The following RIMS1 variants were observed in gnomAD, a reference collection of about 807,000 sequenced individuals.
The protein encoded by RIMS1 is regulating synaptic membrane exocytosis 1.
RIMS1 carries 83 observed loss-of-function variants against 214.1 expected under a neutral mutation model. The ratio of observed to expected loss-of-function variants is 0.39; its 90% CI spans 0.32 to 0.47. The LOEUF is 0.47. Among genes scored for constraint, RIMS1 ranks in the 20% least tolerant of loss-of-function variants. RIMS1 has a pLI of 0.99. For missense variants in RIMS1, 2,050 were observed against 2,161.8 expected, an observed-to-expected ratio of 0.95 and a Z score of 1.03; for synonymous variants, 793 against 786.8, an observed-to-expected ratio of 1.01 and a Z score of -0.13.
intron 29 of RIMS1, among the ~76,000 whole-genome samples, chr6:72,366,430 A>G (rs989664305): frequency 6.6e-6 from 1 of 152,224 alleles, no homozygotes; most frequent in African/African-American, 2.4e-5. Flanking sequence ...AAGCTATATT[A>G]TATTCAATAA....
At position 71,886,899 on chromosome 6, in the gene RIMS1, T is replaced by C. The variant is rs565203297; in HGVS notation, c.-125T>C. On this transcript the variant is annotated 5_prime_UTR_variant, in exon 1 of 34. Transcript: ENST00000521978. ...CTGCTGCTGCTGCCGCCGCCGCCGC[T>C]GCTCCTCCTCCTGCCGCCGCCGCTA... 4.4e-5 allele frequency: 48 copies of C among 1,094,524 alleles called. No individual in the cohort carries two copies. Among genetic ancestry groups the C allele is most frequent in the Non-Finnish European group, 5.9e-5 (45 of 758,810 alleles). 67.8% of individuals were successfully genotyped at this position (1,094,524 alleles called of 1,614,324 possible).
At position 72,064,188 on chromosome 6, in the gene RIMS1, G is replaced by A. The variant is rs562292746; in HGVS notation, c.246-32761G>A. Among the ~76,000 whole-genome samples the A allele has an allele frequency of 6.2e-4, 94 of 152,196 alleles. No homozygotes were observed. In the South Asian group the frequency reaches 8.5e-3, roughly 14 times the overall value. The stretch of plus-strand genomic sequence containing the variant: ...CAAAAATTAGCCAGGCATAGCAGCA[G>A]GCGCCTGTAATCCCAGCAACTTGGG... On this transcript the variant is annotated intron_variant, in intron 2 of 33. Coordinates refer to ENST00000521978, the MANE Select transcript of RIMS1 (RefSeq NM_014989.7).
chr6:72,140,292 G>A (rs1020971019), intron 4 of RIMS1, among the ~76,000 whole-genome samples: 5 of 152,000 alleles, frequency 3.3e-5, no homozygotes, highest in Admixed American at 1.3e-4. Context: ...TTTAGTTTCT[G>A]TATAATCCTA....
intron 4 of RIMS1, among the ~76,000 whole-genome samples, chr6:72,150,021 G>A (rs917766223): frequency 2.0e-5 from 3 of 152,230 alleles, no homozygotes; most frequent in African/African-American, 7.2e-5. Context: ...ACTGACAATC[G>A]AAAGGTGAGG....
intron 29 of RIMS1, among the ~76,000 whole-genome samples, chr6:72,352,128 T>C (rs930561175): frequency 6.6e-6 from 1 of 152,244 alleles, no homozygotes; most frequent in African/African-American, 2.4e-5. Flanking sequence ...AACGTTTTAC[T>C]GTACAACCAT....
chr6:72,196,373 GTCTGTCTATCTA>G (rs1184121821), intron 6 of RIMS1, among the ~76,000 whole-genome samples: 2,644 of 102,134 alleles, frequency 0.026, 73 homozygotes, highest in African/African-American at 0.094. Flanking sequence ...CTGTCTGTCT[GTCTGTCTATCTA>G]TCTATCTATC....
At chr6:72,373,337 T>TA (rs2098276880) in intron 29 of RIMS1, among the ~76,000 whole-genome samples, 4 of 152,244 alleles carry the variant, frequency 2.6e-5, no homozygotes, top group Non-Finnish European at 5.9e-5. Flanking sequence ...GGTTTGTTTT[T>TA]ACCTTGTGAA....
chr6:72,377,835 T>A (rs2098417543), intron 29 of RIMS1, among the ~76,000 whole-genome samples: 1 of 152,176 alleles, frequency 6.6e-6, no homozygotes, highest in Non-Finnish European at 1.5e-5. Context: ...TAGGAGATCA[T>A]CAAACTTATT....
chr6:72,091,470 G>T (rs1267335665), intron 2 of RIMS1, among the ~76,000 whole-genome samples: 1 of 152,074 alleles, frequency 6.6e-6, no homozygotes, highest in African/African-American at 2.4e-5. Flanking sequence ...TTGTACAAAT[G>T]TCATCAATAA....
intron 4 of RIMS1, among the ~76,000 whole-genome samples, chr6:72,162,221 T>C (rs1468702973): frequency 7.1e-6 from 1 of 140,756 alleles, no homozygotes; most frequent in East Asian, 2.0e-4. Flanking sequence ...CCTGCCTTTT[T>C]TTGTTTTCCA....
chr6:71,904,831 T>G (rs1171409440), intron 1 of RIMS1, among the ~76,000 whole-genome samples: 1 of 152,176 alleles, frequency 6.6e-6, no homozygotes, highest in East Asian at 1.9e-4. Flanking sequence ...ATTACAAGTC[T>G]ATCTATAGAA....
At chr6:72,212,211 A>G (rs2053938046) in intron 6 of RIMS1, among the ~76,000 whole-genome samples, 1 of 151,882 alleles carries the variant, frequency 6.6e-6, no homozygotes, top group African/African-American at 2.4e-5. Context: ...AAAAATATAT[A>G]ATTTTTTTCA....
At chr6:71,926,065 T>C (rs1046887424) in intron 1 of RIMS1, among the ~76,000 whole-genome samples, 6 of 152,196 alleles carry the variant, frequency 3.9e-5, no homozygotes, top group African/African-American at 1.4e-4. Flanking sequence ...CAATACACTC[T>C]TTTTATTGTT....
intron 4 of RIMS1, among the ~76,000 whole-genome samples, chr6:72,112,064 C>A (rs1487700623): frequency 6.6e-6 from 1 of 152,160 alleles, no homozygotes; most frequent in African/African-American, 2.4e-5. Context: ...GCTCTCCAAA[C>A]CAGCTTATTC....
intron 1 of RIMS1, among the ~76,000 whole-genome samples, chr6:71,946,236 T>A (rs1787772408): frequency 6.6e-6 from 1 of 152,180 alleles, no homozygotes; most frequent in South Asian, 2.1e-4. Context: ...ATGCAATCCC[T>A]ATCAAAATTC....
intron 4 of RIMS1, among the ~76,000 whole-genome samples, chr6:72,146,140 C>G (rs937301628): frequency 6.6e-6 from 1 of 152,186 alleles, no homozygotes; most frequent in Admixed American, 6.5e-5. Flanking sequence ...GCATGACATT[C>G]ATGAGTCCTG....
chr6:71,963,356 A>G (rs966478987), intron 1 of RIMS1, among the ~76,000 whole-genome samples: 7 of 152,272 alleles, frequency 4.6e-5, no homozygotes, highest in African/African-American at 1.4e-4. Flanking sequence ...GGAGAATCAT[A>G]TGCCCCGGCA....
chr6:72,302,479 T>C (rs1241870115), intron 26 of RIMS1, among the ~76,000 whole-genome samples: 1 of 151,694 alleles, frequency 6.6e-6, no homozygotes. Flanking sequence ...TTTTTCATCT[T>C]TTCTTGTTAA....
At chr6:71,931,867 A>T (rs1176069665) in intron 1 of RIMS1, among the ~76,000 whole-genome samples, 5 of 151,886 alleles carry the variant, frequency 3.3e-5, no homozygotes, top group Admixed American at 1.3e-4. Context: ...CAATTGTATT[A>T]AAAAAAGCTT....
Sources: gnomAD v4.1 joint callset for allele counts (sites outside exome capture counted in the v4.1 genomes callset) on GRCh38, gnomAD v4.1.1 for gene constraint, MANE v1.5 for transcripts, NCBI Gene and HGNC (gene_info 2026-07-23, HGNC 2026-07-21) for gene names.